Variants in NUP98 observed in about 807,000 individuals in gnomAD.
NUP98 encodes the protein nuclear pore complex protein Nup98-Nup96.
Under a neutral mutation model 191.9 loss-of-function variants are expected in NUP98, and 26 were observed. The observed-to-expected ratio is 0.14, with a 90% confidence interval of 0.10 to 0.19. The LOEUF (loss-of-function observed/expected upper bound fraction) is 0.19, where lower values mean the gene tolerates loss of function less well. Ranked by LOEUF, NUP98 falls within the 10% of genes least tolerant of loss-of-function variation. NUP98 has a pLI of 1.00. For synonymous variants in NUP98, 808 were observed against 778.4 expected (o/e 1.04, Z -0.63); for missense variants, 1,941 against 2,178.8 (o/e 0.89, Z 2.17).
At chr11:3,721,007 T>TGTGTGTGTGA (rs911995906) in intron 16 of NUP98, 182 bp from the exon 17 acceptor site, 9 of 431,396 alleles carry the variant, frequency 2.1e-5, no homozygotes, top group Admixed American at 4.2e-5. Context: ...TGTGTGTGTG[T>TGTGTGTGTGA]GAAAAGCTTC....
chr11:3,791,937 T>C lies in NUP98; in HGVS notation c.-29+5463A>G, dbSNP rs949341692. On this transcript the variant is annotated intron_variant, in intron 1 of 32. Transcript: ENST00000324932. ...GCTCATGCCTGTAATCCCAGGACTT[T>C]GGGAGGCGGAGGTGAGCGGATCACG... Among the ~76,000 whole-genome samples, 6 of 151,646 alleles carry C rather than the reference T, an allele frequency of 4.0e-5. No individual in the cohort carries two copies. The South Asian group carries it at 6.3e-4, about 16-fold the overall frequency.
intron 12 of NUP98, among the ~76,000 whole-genome samples, chr11:3,740,347 C>T (rs969011663): frequency 2.0e-5 from 3 of 151,944 alleles, no homozygotes; most frequent in Non-Finnish European, 4.4e-5. Context: ...CCAATACCTA[C>T]TAAAAATACA....
At chr11:3,735,377 GA>G in intron 12 of NUP98, 53 bp from the exon 13 acceptor site, 3 of 1,001,522 alleles carry the variant, frequency 3.0e-6, no homozygotes, top group Non-Finnish European at 3.9e-6. Flanking sequence ...TAAATGCAAG[GA>G]TACAATGCAT....
intron 11 of NUP98, among the ~76,000 whole-genome samples, chr11:3,751,723 G>T (rs988144801): frequency 1.3e-5 from 2 of 151,982 alleles, no homozygotes; most frequent in Non-Finnish European, 2.9e-5. Context: ...GCCAAGCATG[G>T]TGGCTTGCAC....
rs1167126186 is a variant in NUP98, at chr11:3,680,115, G to A, written c.4919-407C>T. 2.0e-5 allele frequency among the ~76,000 whole-genome samples: 3 copies of A among 152,202 alleles called. No individual in the cohort carries two copies. In the East Asian group the frequency reaches 5.8e-4, roughly 29 times the overall value. On this transcript the variant is annotated intron_variant, in intron 30 of 32. Transcript: ENST00000324932. Reference sequence around the variant, plus strand: ...GGGTCTTTCCTTGATGCTGATGGCTGCTGACTGATCAGGGTGTTGCCTGCT... The same window carrying A: ...GGGTCTTTCCTTGATGCTGATGGCTACTGACTGATCAGGGTGTTGCCTGCT...
intron 26 of NUP98, among the ~76,000 whole-genome samples, chr11:3,693,763 G>A (rs2078399607): frequency 6.6e-6 from 1 of 152,172 alleles, no homozygotes; most frequent in Non-Finnish European, 1.5e-5. Context: ...TCTTCTCACT[G>A]TCTATGGTTG....
chr11:3,767,001 G>A (rs539098740), intron 8 of NUP98, among the ~76,000 whole-genome samples: 1 of 152,260 alleles, frequency 6.6e-6, no homozygotes, highest in South Asian at 2.1e-4. Context: ...GTCCCGCTCT[G>A]TCACCTAGGC....
intron 7 of NUP98, among the ~76,000 whole-genome samples, chr11:3,769,644 G>C (rs2081456626): frequency 6.6e-6 from 1 of 151,234 alleles, no homozygotes; most frequent in East Asian, 1.9e-4. Context: ...AAGTACGTTA[G>C]GCTGGACATG....
chr11:3,752,140 T>C (rs2080783494), intron 11 of NUP98, among the ~76,000 whole-genome samples: 1 of 138,698 alleles, frequency 7.2e-6, no homozygotes, highest in Admixed American at 7.4e-5. Flanking sequence ...CAAGACTCCA[T>C]CTCAAAAAAA....
At chr11:3,698,641 C>T (rs777473658) in intron 25 of NUP98, among the ~76,000 whole-genome samples, 30 of 147,652 alleles carry the variant, frequency 2.0e-4, no homozygotes, top group Non-Finnish European at 3.4e-4. Context: ...GCAAGAGAAT[C>T]GCTTGAACCC....
chr11:3,770,241 G>C (rs2081482484), intron 7 of NUP98, among the ~76,000 whole-genome samples: 1 of 152,196 alleles, frequency 6.6e-6, no homozygotes, highest in Non-Finnish European at 1.5e-5. Context: ...AACTCCTTGG[G>C]AGGCTGAGGC....
Position 3,699,100 on chromosome 11 carries a change from A to T in NUP98, c.3991T>A (p.Ser1331Thr), listed in dbSNP as rs1472154637. 2 of 1,612,672 alleles carry T rather than the reference A, an allele frequency of 1.2e-6. No individual in the cohort carries two copies. The highest frequency in any genetic ancestry group is 3.3e-5 in the Admixed American group (2 of 60,002). The change falls in exon 25 of 33, where the codon TCT becomes ACT. Residue 1331 changes from serine to threonine, a missense_variant. This residue lies in a region of NUP98 where 1,030 missense variants were observed against 1,115.8 expected (regional missense o/e 0.92). Coordinates refer to ENST00000324932, the MANE Select transcript of NUP98 (RefSeq NM_016320.5). Reference sequence around the variant, plus strand: ...TCCCCACCTGACTGCTGGGCCAGAGAGCAGGCCTCACTGATCCTTTTGCCT... The same window carrying T: ...TCCCCACCTGACTGCTGGGCCAGAGTGCAGGCCTCACTGATCCTTTTGCCT... ...LTGKRISEAC[S>T]LAQQSGDHRL...
At chr11:3,751,335 G>C (rs1157666146) in intron 11 of NUP98, among the ~76,000 whole-genome samples, 1 of 152,126 alleles carries the variant, frequency 6.6e-6, no homozygotes, top group East Asian at 1.9e-4. Flanking sequence ...TCCAGCCTGG[G>C]TAACAAGAGC....
In NUP98 at chr11:3,700,621, G is replaced by A. The variant is rs1308210924; in HGVS notation, c.3731C>T (p.Pro1244Leu). Residue 1244 changes from proline (P) to leucine (L), a missense_variant, in exon 24 of 33, where the codon CCA becomes CTA. Physicochemically the swap from Pro to Leu is moderately conservative, Grantham distance 98 (BLOSUM62 -3). Transcript: ENST00000324932. ...TAGTGTGTACTCACTTTGTGCTTCT[G>A]GTAAGTCTCCTGATGCTTCTTTAAC... ...DWVKEASGDL[P>L]EAQIVKHWSL... The A allele has an allele frequency of 1.2e-6, 2 of 1,610,784 alleles. No homozygotes were observed. Among genetic ancestry groups the A allele is most frequent in the South Asian group, 2.2e-5 (2 of 90,870 alleles).
chr11:3,691,939 C>T (rs1422514952), intron 27 of NUP98, among the ~76,000 whole-genome samples: 1 of 152,080 alleles, frequency 6.6e-6, no homozygotes, highest in East Asian at 1.9e-4. Context: ...CCTATAATCC[C>T]AGCACTTTGA....
chr11:3,752,854 G>A (rs897526907), intron 11 of NUP98, among the ~76,000 whole-genome samples: 2 of 152,150 alleles, frequency 1.3e-5, no homozygotes, highest in Non-Finnish European at 2.9e-5. Context: ...TAGGAATCAG[G>A]GAAAAGGGGT....
At chr11:3,744,255 G>A (rs186037245) in intron 12 of NUP98, among the ~76,000 whole-genome samples, 66 of 152,196 alleles carry the variant, frequency 4.3e-4, no homozygotes, top group African/African-American at 1.5e-3. Context: ...CACATTTAGC[G>A]ATATGAACTA....
intron 23 of NUP98, 150 bp downstream of exon 23, chr11:3,702,313 A>ACACACCCTCTCTCTCT (rs1564821342): frequency 4.4e-6 from 1 of 227,210 alleles, no homozygotes; most frequent in Non-Finnish European, 7.6e-6. Flanking sequence ...ACACACACAC[A>ACACACCCTCTCTCTCT]CTCTCTCTCT....
intron 16 of NUP98, chr11:3,721,070 C>T (rs1845282865): frequency 3.9e-6 from 1 of 257,334 alleles, no homozygotes; most frequent in Non-Finnish European, 7.3e-6. Flanking sequence ...GAGTCTAAAA[C>T]TTACAGTAAA....
Sources: allele counts gnomAD v4.1 joint callset (sites outside exome capture counted in the v4.1 genomes callset), GRCh38; gene constraint gnomAD v4.1.1; regional missense constraint gnomAD v4.1.1; transcripts MANE v1.5; gene names NCBI Gene and HGNC (gene_info 2026-07-23, HGNC 2026-07-21).